Variants in SH3RF3 observed in about 807,000 individuals in gnomAD.
SH3RF3 encodes SH3 domain containing ring finger 3.
A neutral mutation model predicts 66.3 loss-of-function variants in SH3RF3; 29 were observed. That is an observed-to-expected ratio of 0.44 (90% CI 0.33 to 0.60). SH3RF3 has a LOEUF of 0.60. Ranked by LOEUF, SH3RF3 falls within the 20% of genes least tolerant of loss-of-function variation. The pLI is 0.04. For missense variants in SH3RF3, 1,194 were observed against 1,190.9 expected (o/e 1.00, Z -0.04); for synonymous variants, 583 against 532.0 (o/e 1.10, Z -1.32).
At chr2:109,162,135 T>C (rs1054419339) in intron 1 of SH3RF3, among the ~76,000 whole-genome samples, 1 of 152,160 alleles carries the variant, frequency 6.6e-6, no homozygotes, top group Non-Finnish European at 1.5e-5. Flanking sequence ...TGTTTTCCTT[T>C]ACAAATGCTT....
intron 1 of SH3RF3, among the ~76,000 whole-genome samples, chr2:109,292,047 T>G (rs1325279984): frequency 6.6e-6 from 1 of 152,156 alleles, no homozygotes; most frequent in Non-Finnish European, 1.5e-5. Flanking sequence ...GTATTTTTAG[T>G]AGAGATGAGG....
At chr2:109,193,291 T>C (rs1311644401) in intron 1 of SH3RF3, among the ~76,000 whole-genome samples, 1 of 152,242 alleles carries the variant, frequency 6.6e-6, no homozygotes, top group African/African-American at 2.4e-5. Context: ...TAAGGCTTTA[T>C]TGAGACAGAA....
intron 1 of SH3RF3, among the ~76,000 whole-genome samples, chr2:109,156,137 A>G (rs1408912680): frequency 6.6e-6 from 1 of 152,162 alleles, no homozygotes; most frequent in Non-Finnish European, 1.5e-5. Flanking sequence ...CAATTTCTGC[A>G]TTGTCTGATT....
intron 1 of SH3RF3, among the ~76,000 whole-genome samples, chr2:109,215,848 A>G (rs999218059): frequency 6.6e-6 from 1 of 152,168 alleles, no homozygotes; most frequent in Non-Finnish European, 1.5e-5. Flanking sequence ...TTCTTCTGAC[A>G]TGGAAGCAGA....
At chr2:109,301,833 T>C (rs1451785446) in intron 1 of SH3RF3, among the ~76,000 whole-genome samples, 4 of 152,210 alleles carry the variant, frequency 2.6e-5, no homozygotes, top group African/African-American at 4.8e-5. Flanking sequence ...CTGTCTTGCC[T>C]CTTTAGCATG....
At chr2:109,325,287 T>C (rs548373213) in intron 1 of SH3RF3, among the ~76,000 whole-genome samples, 1 of 151,860 alleles carries the variant, frequency 6.6e-6, no homozygotes, top group Non-Finnish European at 1.5e-5. Flanking sequence ...CCAGGAGTCA[T>C]TGGATTTCAG....
intron 7 of SH3RF3, among the ~76,000 whole-genome samples, chr2:109,439,869 A>G (rs1401267340): frequency 6.6e-6 from 1 of 152,170 alleles, no homozygotes; most frequent in Non-Finnish European, 1.5e-5. Flanking sequence ...TGGGTTTGCT[A>G]AAGGGCTGCA....
chr2:109,399,722 T>C (rs1003934923), intron 4 of SH3RF3, among the ~76,000 whole-genome samples: 5 of 152,268 alleles, frequency 3.3e-5, no homozygotes, highest in Non-Finnish European at 5.9e-5. Flanking sequence ...CACAGTGGCA[T>C]GCACAGGGCA....
At chr2:109,350,869 A>G (rs1195053682) in intron 2 of SH3RF3, among the ~76,000 whole-genome samples, 1 of 152,222 alleles carries the variant, frequency 6.6e-6, no homozygotes, top group Non-Finnish European at 1.5e-5. Context: ...TGAGTCAGAG[A>G]GGAAAGAAGG....
intron 1 of SH3RF3, among the ~76,000 whole-genome samples, chr2:109,252,789 G>A (rs1261547983): frequency 6.6e-6 from 1 of 152,172 alleles, no homozygotes; most frequent in African/African-American, 2.4e-5. Flanking sequence ...GTATAATAAA[G>A]TGTTGAATAT....
intron 8 of SH3RF3, among the ~76,000 whole-genome samples, chr2:109,461,327 A>G (rs1396980154): frequency 6.6e-6 from 1 of 152,236 alleles, no homozygotes; most frequent in South Asian, 2.1e-4. Flanking sequence ...TATCTCTCAG[A>G]AAGAGAGCAG....
At chr2:109,490,492 A>T in intron 8 of SH3RF3, 113 bp from the exon 9 acceptor site, 3 of 951,188 alleles carry the variant, frequency 3.2e-6, no homozygotes, top group Non-Finnish European at 4.3e-6. Context: ...GTCTGAAAAA[A>T]TAAGAAATTT....
chr2:109,136,730 T>C (rs1240671603), intron 1 of SH3RF3, among the ~76,000 whole-genome samples: 1 of 152,204 alleles, frequency 6.6e-6, no homozygotes, highest in Admixed American at 6.5e-5. Flanking sequence ...TTCCACTTAA[T>C]GTAATGTGTG....
At position 109,184,616 on chromosome 2, in the gene SH3RF3, T is replaced by C. The variant is rs575061972; in HGVS notation, c.573+54503T>C. ...TCCAGTGCTGGGGTGCTCCTGTGCC[T>C]CCATGGGCTTCCCAGAGAGTGAGCT... On this transcript the variant is annotated intron_variant, in intron 1 of 9. Transcript: ENST00000309415. Among the ~76,000 whole-genome samples, 7 of 152,192 alleles carry C rather than the reference T, an allele frequency of 4.6e-5. No homozygotes were observed. In the East Asian group the frequency reaches 1.4e-3, roughly 30 times the overall value.
intron 9 of SH3RF3, among the ~76,000 whole-genome samples, chr2:109,493,662 T>C (rs1326606896): frequency 6.7e-6 from 1 of 149,548 alleles, no homozygotes; most frequent in Non-Finnish European, 1.5e-5. Flanking sequence ...CACACACATA[T>C]TATACAAACA....
chr2:109,490,194 T>A (rs1679093900), intron 8 of SH3RF3, among the ~76,000 whole-genome samples: 1 of 152,226 alleles, frequency 6.6e-6, no homozygotes, highest in Non-Finnish European at 1.5e-5. Context: ...TTTCAAGATG[T>A]CCATGTAGGC....
At chr2:109,494,491 G>T (rs1573297116) in intron 9 of SH3RF3, among the ~76,000 whole-genome samples, 1 of 152,128 alleles carries the variant, frequency 6.6e-6, no homozygotes, top group East Asian at 2.0e-4. Context: ...GACTCCTCGG[G>T]CTGGGACAGC....
chr2:109,435,826 A>G (rs1177125086), intron 6 of SH3RF3, among the ~76,000 whole-genome samples: 3 of 152,162 alleles, frequency 2.0e-5, no homozygotes, highest in Admixed American at 2.0e-4. Flanking sequence ...AGAAAATGGG[A>G]TTTTTAAATT....
At chr2:109,501,037 T>C (rs1380870097) in intron 9 of SH3RF3, among the ~76,000 whole-genome samples, 1 of 152,154 alleles carries the variant, frequency 6.6e-6, no homozygotes, top group African/African-American at 2.4e-5. Context: ...GGTGCTGCAG[T>C]TGAGGAGCGT....
Sources: gnomAD v4.1 joint callset for allele counts (sites outside exome capture counted in the v4.1 genomes callset) on GRCh38, gnomAD v4.1.1 for gene constraint, MANE v1.5 for transcripts, NCBI Gene and HGNC (gene_info 2026-07-23, HGNC 2026-07-21) for gene names.